Variants in PDZRN4 observed in about 807,000 individuals in gnomAD.
PDZRN4 encodes the protein PDZ domain-containing RING finger protein 4.
Under a neutral mutation model 99.0 loss-of-function variants are expected in PDZRN4, and 70 were observed. That is an observed-to-expected ratio of 0.71 (90% CI 0.58 to 0.86). The LOEUF (loss-of-function observed/expected upper bound fraction) is 0.86. PDZRN4 is among the 40% of genes least tolerant of loss of function. The pLI is 0.00. For missense variants in PDZRN4, 1,474 were observed against 1,331.2 expected, an observed-to-expected ratio of 1.11 and a Z score of -1.67; for synonymous variants, 551 against 501.6, an observed-to-expected ratio of 1.10 and a Z score of -1.32.
At chr12:41,545,550 T>C (rs1052240274) in intron 5 of PDZRN4, among the ~76,000 whole-genome samples, 261 of 138,018 alleles carry the variant, frequency 1.9e-3, no homozygotes, top group African/African-American at 6.0e-3. Context: ...TGTGTGTGTG[T>C]GTGACAATGA....
chr12:41,194,831 A>G (rs1477692530), intron 3 of PDZRN4, among the ~76,000 whole-genome samples: 1 of 152,218 alleles, frequency 6.6e-6, no homozygotes, highest in Non-Finnish European at 1.5e-5. Flanking sequence ...ATTTCAAAAA[A>G]GGATGATAAA....
intron 3 of PDZRN4, among the ~76,000 whole-genome samples, chr12:41,380,717 A>T (rs1396537382): frequency 6.6e-6 from 1 of 152,042 alleles, no homozygotes; most frequent in Admixed American, 6.6e-5. Flanking sequence ...GTTATTTTTA[A>T]TACATTTGTT....
intron 3 of PDZRN4, among the ~76,000 whole-genome samples, chr12:41,368,673 G>T (rs1465103966): frequency 1.3e-5 from 2 of 152,024 alleles, no homozygotes; most frequent in African/African-American, 4.8e-5. Flanking sequence ...TTTCTTGCCT[G>T]CAGATTTCAG....
chr12:41,381,854 A>T (rs548486280), intron 3 of PDZRN4, among the ~76,000 whole-genome samples: 1 of 152,092 alleles, frequency 6.6e-6, no homozygotes, highest in African/African-American at 2.4e-5. Context: ...GCCCTTAGAC[A>T]TTTACTTTAA....
intron 5 of PDZRN4, among the ~76,000 whole-genome samples, chr12:41,539,370 T>C (rs1938807739): frequency 2.0e-5 from 3 of 152,100 alleles, no homozygotes; most frequent in African/African-American, 7.2e-5. Flanking sequence ...TTTCACAGTT[T>C]AATTTATTTG....
At chr12:41,283,829 T>C (rs939923199) in intron 3 of PDZRN4, among the ~76,000 whole-genome samples, 5 of 152,072 alleles carry the variant, frequency 3.3e-5, no homozygotes, top group African/African-American at 1.2e-4. Context: ...CTAAAAACAC[T>C]CAATAAACTA....
At chr12:41,242,214 A>T (rs1951105895) in intron 3 of PDZRN4, among the ~76,000 whole-genome samples, 1 of 152,200 alleles carries the variant, frequency 6.6e-6, no homozygotes, top group Admixed American at 6.5e-5. Flanking sequence ...AATCTTCAGG[A>T]TTCCTTAAAC....
chr12:41,510,847 A>G (rs1414475654), intron 5 of PDZRN4, among the ~76,000 whole-genome samples: 3 of 152,148 alleles, frequency 2.0e-5, no homozygotes, highest in Non-Finnish European at 4.4e-5. Context: ...CCTGGGGATT[A>G]CAGAAATCAT....
intron 5 of PDZRN4, among the ~76,000 whole-genome samples, chr12:41,532,732 T>A (rs1759502400): frequency 6.6e-6 from 1 of 152,322 alleles, no homozygotes; most frequent in Admixed American, 6.5e-5. Context: ...ATCACTTAAC[T>A]TCTTTGTGCC....
intron 3 of PDZRN4, among the ~76,000 whole-genome samples, chr12:41,370,863 T>C (rs901754731): frequency 2.6e-5 from 4 of 151,850 alleles, no homozygotes; most frequent in African/African-American, 7.2e-5. Context: ...ATTTTTATTA[T>C]TCTATTTTAA....
At chr12:41,274,479 C>A (rs965219371) in intron 3 of PDZRN4, among the ~76,000 whole-genome samples, 1 of 152,040 alleles carries the variant, frequency 6.6e-6, no homozygotes, top group Non-Finnish European at 1.5e-5. Context: ...AGAAGGATTG[C>A]CTGAATTAAT....
At chr12:41,341,574 AT>A (rs1318354702) in intron 3 of PDZRN4, among the ~76,000 whole-genome samples, 1 of 151,888 alleles carries the variant, frequency 6.6e-6, no homozygotes, top group Middle Eastern at 3.2e-3. Flanking sequence ...TTAAGAGGAA[AT>A]CAATGAAACA....
At chr12:41,194,235 G>A (rs377715936) in intron 3 of PDZRN4, 47 bp downstream of exon 3, 13 of 898,718 alleles carry the variant, frequency 1.4e-5, no homozygotes, top group Middle Eastern at 2.1e-4. Context: ...AGAAAGATTG[G>A]GATATTTTAA....
intron 3 of PDZRN4, among the ~76,000 whole-genome samples, chr12:41,297,614 G>A (rs550642996): frequency 1.3e-5 from 2 of 152,268 alleles, no homozygotes; most frequent in East Asian, 1.9e-4. Context: ...AAAATGGTTC[G>A]TTAAGATGTA....
intron 3 of PDZRN4, among the ~76,000 whole-genome samples, chr12:41,493,176 T>G (rs771361922): frequency 6.6e-6 from 1 of 152,198 alleles, no homozygotes; most frequent in African/African-American, 2.4e-5. Flanking sequence ...CTCTGCAGTG[T>G]TTCACTGGTT....
At chr12:41,371,592 G>A (rs146303470) in intron 3 of PDZRN4, among the ~76,000 whole-genome samples, 1 of 152,078 alleles carries the variant, frequency 6.6e-6, no homozygotes, top group Non-Finnish European at 1.5e-5. Context: ...ACAAATAAAA[G>A]AGTCTGTAAC....
At chr12:41,224,529 A>G (rs1950980424) in intron 3 of PDZRN4, among the ~76,000 whole-genome samples, 1 of 152,194 alleles carries the variant, frequency 6.6e-6, no homozygotes, top group Non-Finnish European at 1.5e-5. Context: ...GAAGAGATCA[A>G]GTGATAGTGC....
rs1212812380 is a variant in PDZRN4, at chr12:41,402,152, G to GTA, written c.844-104289_844-104288dup. ...ATATATATATATATACACACACTGA[G>GTA]TATATATATATATATACACACTGAG... is the stretch of plus-strand genomic sequence containing the variant. On this transcript the variant is annotated intron_variant, in intron 3 of 9. Coordinates refer to ENST00000402685, the MANE Select transcript of PDZRN4 (RefSeq NM_001164595.2). Among the ~76,000 whole-genome samples the GTA allele has an allele frequency of 9.0e-4, 34 of 37,768 alleles. 8 individuals carry two copies. The highest frequency in any genetic ancestry group is 2.2e-3 in the Admixed American group (9 of 4,050). The allele number at this position is 37,768 out of a possible 152,430, so 24.8% of individuals were successfully genotyped here.
chr12:41,528,841 T>A (rs1010412982), intron 5 of PDZRN4, among the ~76,000 whole-genome samples: 10 of 152,344 alleles, frequency 6.6e-5, no homozygotes, highest in African/African-American at 2.4e-4. Context: ...GTTCTGAAGG[T>A]CCTGCCTTTC....
Sources: gnomAD v4.1 joint callset for allele counts (sites outside exome capture counted in the v4.1 genomes callset) on GRCh38, gnomAD v4.1.1 for gene constraint, MANE v1.5 for transcripts, NCBI Gene and HGNC (gene_info 2026-07-23, HGNC 2026-07-21) for gene names.